SLC22A16: variants seen among roughly 807,000 people sequenced by gnomAD.
SLC22A16 encodes the protein WUGSC:RG331P03.1.
In SLC22A16, 53 loss-of-function variants were observed where a neutral mutation model predicts 52.9. The ratio of observed to expected loss-of-function variants is 1.00; its 90% confidence interval spans 0.80 to 1.26. The LOEUF (loss-of-function observed/expected upper bound fraction) is 1.26, where lower values mean the gene tolerates loss of function less well. SLC22A16 is among the 50% of genes most tolerant of loss of function. The probability of loss-of-function intolerance (pLI) is 0.00; values close to 1 mark genes in which losing one functional copy is unlikely to be tolerated. For synonymous variants in SLC22A16, 291 were observed against 268.8 expected (o/e 1.08, Z -0.81); for missense variants, 726 against 704.0 (o/e 1.03, Z -0.35).
chr6:110,447,710 T>A (rs557024560), intron 2 of SLC22A16, among the ~76,000 whole-genome samples: 1 of 152,204 alleles, frequency 6.6e-6, no homozygotes, highest in Non-Finnish European at 1.5e-5. Flanking sequence ...ACCTTCTGTC[T>A]CCATAGATTT....
chr6:110,435,391 C>T (rs1046566975), intron 6 of SLC22A16, among the ~76,000 whole-genome samples: 3 of 152,106 alleles, frequency 2.0e-5, no homozygotes, highest in Non-Finnish European at 4.4e-5. Context: ...GACCACAGAG[C>T]GAGGCCTCAG....
intron 1 of SLC22A16, among the ~76,000 whole-genome samples, chr6:110,469,201 C>T (rs560951102): frequency 6.6e-6 from 1 of 152,288 alleles, no homozygotes; most frequent in Non-Finnish European, 1.5e-5. Flanking sequence ...TACGTGGCAG[C>T]TTATTCAGCA....
chr6:110,463,760 C>T (rs1582583650), intron 1 of SLC22A16, among the ~76,000 whole-genome samples: 1 of 151,754 alleles, frequency 6.6e-6, no homozygotes, highest in Non-Finnish European at 1.5e-5. Context: ...CTTGATCTGT[C>T]GATTTGATTA....
intron 1 of SLC22A16, among the ~76,000 whole-genome samples, chr6:110,463,514 T>TAAA (rs386408237): frequency 0.76 from 40,274 of 53,242 alleles, 15,939 homozygotes; most frequent in Non-Finnish European, 0.85. Flanking sequence ...GTAACAACAG[T>TAAA]AAAAAAAAAA....
chr6:110,431,304 G>T, intron 6 of SLC22A16, 34 bp from the exon 7 acceptor site: 1 of 1,582,648 alleles, frequency 6.3e-7, no homozygotes. Flanking sequence ...AGACAAGTAA[G>T]GCACAAGTGA....
intron 1 of SLC22A16, among the ~76,000 whole-genome samples, chr6:110,467,214 C>T (rs978017568): frequency 6.6e-6 from 1 of 152,024 alleles, no homozygotes. Context: ...ACCTAAATGC[C>T]GATTTTCAGT....
chr6:110,465,429 T>TA (rs746524244), intron 1 of SLC22A16, among the ~76,000 whole-genome samples: 14 of 152,154 alleles, frequency 9.2e-5, no homozygotes, highest in Non-Finnish European at 1.5e-4. Context: ...CTAGACTTGA[T>TA]AAACAACTTC....
chr6:110,473,022 C>A (rs543628178), intron 1 of SLC22A16, among the ~76,000 whole-genome samples: 1 of 152,302 alleles, frequency 6.6e-6, no homozygotes, highest in Non-Finnish European at 1.5e-5. Context: ...CTGTTACTTA[C>A]CACCAGGGAC....
In SLC22A16 at chr6:110,456,572, G is replaced by A. The variant is rs776101602; in HGVS notation, c.499C>T (p.Leu167=). The part of the protein sequence containing the change: ...IQPLFMFGVL[L]GSVTFGYFSD... ...AAGTAGCCAAAAGTCACCGATCCCAGTAGGACTCCAAACATAAATAGGGGC... is the reference window on the plus strand; with the variant it reads ...AAGTAGCCAAAAGTCACCGATCCCAATAGGACTCCAAACATAAATAGGGGC... The change falls in exon 2 of 8, where the codon CTG becomes TTG. Residue 167 remains leucine (L), a synonymous_variant. Coordinates refer to ENST00000368919, the MANE Select transcript of SLC22A16 (RefSeq NM_033125.4). The A allele has an allele frequency of 6.2e-7, 1 of 1,614,174 alleles. No individual in the cohort carries two copies. The highest frequency in any genetic ancestry group is 8.5e-7 in the Non-Finnish European group (1 of 1,180,028).
At chr6:110,467,106 C>T (rs1776096360) in intron 1 of SLC22A16, among the ~76,000 whole-genome samples, 1 of 152,166 alleles carries the variant, frequency 6.6e-6, no homozygotes, top group South Asian at 2.1e-4. Context: ...TTTACCCTTG[C>T]AGACTTCAAA....
chr6:110,447,667 C>T (rs1011463938), intron 2 of SLC22A16, among the ~76,000 whole-genome samples: 16 of 152,206 alleles, frequency 1.1e-4, no homozygotes, highest in African/African-American at 3.4e-4. Flanking sequence ...CCCCTCTTCC[C>T]TGCTCCCTCC....
At position 110,424,711 on chromosome 6, in the gene SLC22A16, T is replaced by C; in HGVS notation, c.*162A>G. The C allele has an allele frequency of 1.2e-6, 1 of 822,508 alleles. No homozygotes were observed. Among genetic ancestry groups the C allele is most frequent in the Non-Finnish European group, 1.8e-6 (1 of 549,410 alleles). 51.0% of individuals were successfully genotyped at this position (822,508 alleles called of 1,614,324 possible). On this transcript the variant is annotated 3_prime_UTR_variant, in exon 8 of 8. Coordinates refer to ENST00000368919, the MANE Select transcript of SLC22A16 (RefSeq NM_033125.4). ...GTTTTTAAAACTGAGAATTTTCATC[T>C]TAGTTTTTATTTCTTTTATAACATA...
chr6:110,457,130 A>C, intron 1 of SLC22A16, 113 bp from the exon 2 acceptor site: 1 of 968,708 alleles, frequency 1.0e-6, no homozygotes. Context: ...GAATGGATAA[A>C]TATAGAAATA....
chr6:110,445,869 A>G (rs1281442528), intron 3 of SLC22A16, among the ~76,000 whole-genome samples: 1 of 152,140 alleles, frequency 6.6e-6, no homozygotes, highest in African/African-American at 2.4e-5. Flanking sequence ...GCTATCTTGT[A>G]TTTAAAACTC....
intron 6 of SLC22A16, 72 bp downstream of exon 6, chr6:110,435,780 A>C: frequency 8.8e-7 from 1 of 1,136,058 alleles, no homozygotes; most frequent in Non-Finnish European, 1.3e-6. Context: ...TTACATGTAA[A>C]GGCCAAATAC....
At chr6:110,436,935 C>T (rs1274214099) in intron 5 of SLC22A16, among the ~76,000 whole-genome samples, 1 of 152,132 alleles carries the variant, frequency 6.6e-6, no homozygotes, top group African/African-American at 2.4e-5. Flanking sequence ...CCAGGGTGGC[C>T]TTGCGGCTGA....
At position 110,476,499 on chromosome 6, in the gene SLC22A16, GCCGC is replaced by G; in HGVS notation, c.53+19_53+22del. On this transcript the variant is annotated intron_variant, in intron 1 of 7. Coordinates refer to ENST00000368919, the MANE Select transcript of SLC22A16 (RefSeq NM_033125.4). ...CCCTCGGCGCCGCCTCCCGCGTGGC[GCCGC>G]GGGGCCCCTCCCCCATACCTGCCGA... The G allele has an allele frequency of 2.2e-5, 8 of 369,560 alleles. No individual in the cohort carries two copies. The highest frequency in any genetic ancestry group is 3.5e-5 in the African/African-American group (1 of 28,304). The allele number at this position is 369,560 out of a possible 1,614,324, so 22.9% of individuals were successfully genotyped here.
intron 1 of SLC22A16, among the ~76,000 whole-genome samples, chr6:110,474,701 C>T (rs1242481243): frequency 2.0e-5 from 3 of 152,256 alleles, no homozygotes; most frequent in Admixed American, 2.0e-4. Flanking sequence ...TGCGCAGCTG[C>T]TCCAGGCACA....
rs145203259 is a variant in SLC22A16 at position 110,431,252 on chromosome 6, G to A, written c.1440C>T (p.Ser480=). ...PTIVRSLAVG[S]GSMVCRLASI... ...TGGCCAGGCGACACACCATGCTGCC[G>A]CTTCCCACAGCCAGCGATCTGGAAA... is the stretch of plus-strand genomic sequence containing the variant. Residue 480 remains serine, a synonymous_variant, in exon 7 of 8, where the codon AGC becomes AGT. Transcript: ENST00000368919. The A allele has an allele frequency of 1.1e-5, 17 of 1,612,298 alleles. No homozygotes were observed. Among genetic ancestry groups the A allele is most frequent in the East Asian group, 6.7e-5 (3 of 44,870 alleles).
Sources: allele counts gnomAD v4.1 joint callset (sites outside exome capture counted in the v4.1 genomes callset), GRCh38; gene constraint gnomAD v4.1.1; transcripts MANE v1.5; gene names NCBI Gene and HGNC (gene_info 2026-07-23, HGNC 2026-07-21).